The following SNX29 variants were observed in gnomAD, a reference collection of about 807,000 sequenced individuals.
SNX29 encodes the protein sorting nexin-29.
SNX29 carries 78 observed loss-of-function variants against 102.1 expected under a neutral mutation model. The ratio of observed to expected loss-of-function variants is 0.76; its 90% CI spans 0.64 to 0.92. The LOEUF is 0.92. Among genes scored for constraint, SNX29 ranks in the 40% least tolerant of loss-of-function variants. The pLI is 0.00. For missense variants in SNX29, 1,280 were observed against 1,061.7 expected, an observed-to-expected ratio of 1.21 and a Z score of -2.86; for synonymous variants, 580 against 414.5, an observed-to-expected ratio of 1.40 and a Z score of -4.85.
At chr16:12,332,605 G>A (rs554029738) in intron 15 of SNX29, among the ~76,000 whole-genome samples, 1 of 152,154 alleles carries the variant, frequency 6.6e-6, no homozygotes, top group Non-Finnish European at 1.5e-5. Flanking sequence ...CTCCCCCGAG[G>A]TCCATGGGCA....
chr16:12,429,622 T>G (rs36011100), intron 18 of SNX29, among the ~76,000 whole-genome samples: 53,305 of 152,186 alleles, frequency 0.35, 10,963 homozygotes, highest in Non-Finnish European at 0.46. Context: ...CTCTACACTT[T>G]ACACCAAAAC....
At chr16:12,013,036 G>C (rs2056707003) in intron 3 of SNX29, among the ~76,000 whole-genome samples, 1 of 151,776 alleles carries the variant, frequency 6.6e-6, no homozygotes, top group African/African-American at 2.4e-5. Flanking sequence ...TGGGTGGGGT[G>C]AGATGGAATC....
At chr16:12,188,273 T>G (rs2076561846) in intron 13 of SNX29, among the ~76,000 whole-genome samples, 1 of 152,230 alleles carries the variant, frequency 6.6e-6, no homozygotes, top group Non-Finnish European at 1.5e-5. Context: ...AGGTAGATAC[T>G]TTCATCATCC....
chr16:12,539,125 T>A (rs907283421), intron 20 of SNX29, among the ~76,000 whole-genome samples: 5 of 151,744 alleles, frequency 3.3e-5, no homozygotes, highest in Non-Finnish European at 7.4e-5. Flanking sequence ...CACAAAAAAT[T>A]TTTAATTTAC....
chr16:12,545,193 C>CA (rs1156843984), intron 20 of SNX29, among the ~76,000 whole-genome samples: 6 of 152,074 alleles, frequency 3.9e-5, no homozygotes, highest in African/African-American at 1.4e-4. Context: ...ATGGTCAATA[C>CA]AAAAAAGGAA....
At chr16:12,366,006 C>T (rs1213378062) in intron 16 of SNX29, among the ~76,000 whole-genome samples, 1 of 139,046 alleles carries the variant, frequency 7.2e-6, no homozygotes, top group Non-Finnish European at 1.5e-5. Flanking sequence ...CGTGCCACTG[C>T]ACTCCAGCCT....
At chr16:12,373,339 A>G (rs1231049883) in intron 16 of SNX29, among the ~76,000 whole-genome samples, 2 of 152,118 alleles carry the variant, frequency 1.3e-5, no homozygotes, top group African/African-American at 2.4e-5. Flanking sequence ...TATATGGCCC[A>G]GGCTGGTCTC....
At chr16:12,380,604 TCCACCA>T (rs2083056249) in intron 16 of SNX29, among the ~76,000 whole-genome samples, 1 of 21,096 alleles carries the variant, frequency 4.7e-5, no homozygotes. Flanking sequence ...CATCCACCCA[TCCACCA>T]TCCATCCATC....
chr16:12,031,442 C>T (rs2057340006), intron 4 of SNX29, among the ~76,000 whole-genome samples: 1 of 151,930 alleles, frequency 6.6e-6, no homozygotes, highest in Non-Finnish European at 1.5e-5. Context: ...CAGTTCTTTC[C>T]CTTCTGCTAC....
chr16:12,468,002 G>C lies in SNX29; in HGVS notation c.2038-9717G>C, dbSNP rs376626766. 4.0e-5 allele frequency among the ~76,000 whole-genome samples: 6 copies of C among 151,858 alleles called. No homozygotes were observed. The South Asian group carries it at 1.3e-3, about 32-fold the overall frequency. ...TCATCATCCTCTAACATCCCGGACC[G>C]GGCCCTGGTCACCTCCAGTATCGTC... On this transcript the variant is annotated intron_variant, in intron 18 of 20. Coordinates refer to ENST00000566228, the MANE Select transcript of SNX29 (RefSeq NM_032167.5).
chr16:12,215,759 T>A (rs2077307908), intron 14 of SNX29, among the ~76,000 whole-genome samples: 1 of 152,200 alleles, frequency 6.6e-6, no homozygotes, highest in Non-Finnish European at 1.5e-5. Flanking sequence ...GTCCTCGTAA[T>A]CTCACTGTTT....
At chr16:12,557,008 C>T (rs1205184990) in intron 20 of SNX29, among the ~76,000 whole-genome samples, 3 of 67,158 alleles carry the variant, frequency 4.5e-5, no homozygotes, top group African/African-American at 1.2e-4. Flanking sequence ...CCACATCTGG[C>T]TAATTTACCC....
At chr16:12,105,515 C>G (rs971712278) in intron 11 of SNX29, among the ~76,000 whole-genome samples, 4 of 152,060 alleles carry the variant, frequency 2.6e-5, no homozygotes, top group Non-Finnish European at 4.4e-5. Context: ...AGCCACCACA[C>G]CCGGCCAGGA....
At chr16:12,405,550 A>T (rs1021629129) in intron 18 of SNX29, among the ~76,000 whole-genome samples, 1 of 152,132 alleles carries the variant, frequency 6.6e-6, no homozygotes, top group African/African-American at 2.4e-5. Flanking sequence ...TGTCTCTTGC[A>T]TGCAATTATT....
At chr16:12,487,030 C>A (rs1293818052) in intron 19 of SNX29, among the ~76,000 whole-genome samples, 1 of 152,284 alleles carries the variant, frequency 6.6e-6, no homozygotes, top group East Asian at 1.9e-4. Context: ...ATCTGTGTGG[C>A]CTCGGGCACG....
At chr16:11,985,456 G>A (rs1007989573) in intron 1 of SNX29, among the ~76,000 whole-genome samples, 1 of 152,188 alleles carries the variant, frequency 6.6e-6, no homozygotes, top group African/African-American at 2.4e-5. Flanking sequence ...CATAGGGCTG[G>A]CTTCAAGCTT....
intron 20 of SNX29, among the ~76,000 whole-genome samples, chr16:12,547,357 T>C (rs1474731699): frequency 5.9e-5 from 9 of 152,100 alleles, no homozygotes; most frequent in African/African-American, 2.2e-4. Context: ...CTAGCTGCCA[T>C]GTGGAGTCAG....
intron 14 of SNX29, among the ~76,000 whole-genome samples, chr16:12,250,640 T>A (rs889567634): frequency 6.6e-6 from 1 of 152,196 alleles, no homozygotes; most frequent in African/African-American, 2.4e-5. Flanking sequence ...TTCCATTCTT[T>A]AAGCACTCAT....
chr16:12,410,155 T>C (rs1354824493), intron 18 of SNX29, among the ~76,000 whole-genome samples: 1 of 151,954 alleles, frequency 6.6e-6, no homozygotes, highest in Non-Finnish European at 1.5e-5. Context: ...TCACCACGCC[T>C]GGCTAATTTT....
Sources: allele counts gnomAD v4.1 joint callset (sites outside exome capture counted in the v4.1 genomes callset), GRCh38; gene constraint gnomAD v4.1.1; transcripts MANE v1.5; gene names NCBI Gene and HGNC (gene_info 2026-07-23, HGNC 2026-07-21).